The following KLHL3 variants were observed in gnomAD, a reference collection of about 807,000 sequenced individuals.
The protein encoded by KLHL3 is kelch like family member 3, also known as kelch-like protein 3.
Under a neutral mutation model 70.5 loss-of-function variants are expected in KLHL3, and 19 were observed. The observed-to-expected ratio is 0.27, with a 90% confidence interval of 0.19 to 0.40. The LOEUF (loss-of-function observed/expected upper bound fraction) is 0.40, where lower values mean the gene tolerates loss of function less well. Among genes scored for constraint, KLHL3 ranks in the 10% least tolerant of loss-of-function variants. The probability of loss-of-function intolerance (pLI) is 1.00; values close to 1 mark genes in which losing one functional copy is unlikely to be tolerated. For missense variants in KLHL3, 512 were observed against 771.1 expected, an observed-to-expected ratio of 0.66 and a Z score of 3.98; for synonymous variants, 258 against 290.3, an observed-to-expected ratio of 0.89 and a Z score of 1.13.
intron 4 of KLHL3, among the ~76,000 whole-genome samples, chr5:137,695,026 C>T (rs1752412753): frequency 6.6e-6 from 1 of 152,160 alleles, no homozygotes; most frequent in African/African-American, 2.4e-5. Context: ...GCTCCCCAAC[C>T]CCATACGCAT....
intron 2 of KLHL3, among the ~76,000 whole-genome samples, chr5:137,712,025 G>A (rs1024764168): frequency 1.3e-5 from 2 of 151,438 alleles, no homozygotes; most frequent in Admixed American, 1.3e-4. Context: ...CGGTGTGGTG[G>A]CAGATGCCTG....
chr5:137,687,090 C>A (rs1381820808), intron 5 of KLHL3, among the ~76,000 whole-genome samples: 150 of 78,282 alleles, frequency 1.9e-3, no homozygotes, highest in African/African-American at 2.9e-3. Flanking sequence ...AGCCCCCCGC[C>A]CGGCCAGCCG....
At chr5:137,716,819 G>A (rs1474610914) in intron 2 of KLHL3, among the ~76,000 whole-genome samples, 3 of 152,174 alleles carry the variant, frequency 2.0e-5, no homozygotes, top group Non-Finnish European at 4.4e-5. Flanking sequence ...GTTGATATCA[G>A]TGGTGGGGTC....
intron 8 of KLHL3, among the ~76,000 whole-genome samples, chr5:137,647,867 A>G (rs1751095973): frequency 6.6e-6 from 1 of 152,218 alleles, no homozygotes; most frequent in African/African-American, 2.4e-5. Flanking sequence ...CAAATATAGT[A>G]TCAGCCCAGT....
intron 5 of KLHL3, among the ~76,000 whole-genome samples, chr5:137,691,596 C>T (rs2905603): frequency 0.084 from 12,062 of 144,106 alleles, 663 homozygotes; most frequent in Non-Finnish European, 0.12. Flanking sequence ...TCGTTATAAG[C>T]CCTGCAATAG....
At chr5:137,622,399 G>A (rs1750335574) in intron 14 of KLHL3, among the ~76,000 whole-genome samples, 2 of 152,348 alleles carry the variant, frequency 1.3e-5, no homozygotes, top group African/African-American at 2.4e-5. Context: ...ACTCACTGTG[G>A]TGACTCCCAT....
rs1751916901 is a variant in KLHL3, at chr5:137,677,615, A to G, written c.566T>C (p.Leu189Pro). Residue 189 changes from leucine (L) to proline (P), a missense_variant, in exon 6 of 15, where the codon CTT becomes CCT. Transcript: ENST00000309755. ...FPEVMLGEEF[L>P]SLSLDQVCSL... is the part of the protein sequence containing the mutation. ...GCACACCTGGTCCAGACTCAGGCTA[A>G]GAAATTCTTCTCCTAGCATCACCTC... The G allele has an allele frequency of 1.9e-6, 3 of 1,609,912 alleles. No individual in the cohort carries two copies. Among genetic ancestry groups the G allele is most frequent in the Non-Finnish European group, 2.5e-6 (3 of 1,178,316 alleles).
At chr5:137,692,507 T>C in intron 4 of KLHL3, 60 bp from the exon 5 acceptor site, 1 of 1,487,756 alleles carries the variant, frequency 6.7e-7, no homozygotes, top group Non-Finnish European at 9.3e-7. Context: ...TCATCTGCCT[T>C]TTCCTATCAT....
intron 1 of KLHL3, among the ~76,000 whole-genome samples, chr5:137,725,847 G>A (rs918018508): frequency 1.1e-4 from 17 of 152,310 alleles, no homozygotes; most frequent in African/African-American, 3.8e-4. Flanking sequence ...CCCACAGAAA[G>A]GGTGTTGCAA....
intron 4 of KLHL3, among the ~76,000 whole-genome samples, chr5:137,693,616 T>G (rs2149918686): frequency 6.6e-6 from 1 of 152,198 alleles, no homozygotes; most frequent in East Asian, 1.9e-4. Flanking sequence ...CAAAAAGAAA[T>G]TTAGAAAAAA....
At chr5:137,712,994 A>G (rs1752824800) in intron 2 of KLHL3, among the ~76,000 whole-genome samples, 1 of 151,916 alleles carries the variant, frequency 6.6e-6, no homozygotes, top group Non-Finnish European at 1.5e-5. Context: ...CTTTTTTCCA[A>G]ATAATATTTC....
intron 13 of KLHL3, 71 bp from the exon 14 acceptor site, chr5:137,625,967 C>CA: frequency 5.7e-6 from 9 of 1,587,850 alleles, no homozygotes; most frequent in African/African-American, 1.3e-5. Flanking sequence ...GATCAAGAGA[C>CA]AAATCTGGAT....
chr5:137,669,962 A>C (rs1751710601), intron 6 of KLHL3, among the ~76,000 whole-genome samples: 1 of 152,178 alleles, frequency 6.6e-6, no homozygotes, highest in Non-Finnish European at 1.5e-5. Context: ...CCTAGGCCAC[A>C]GGCTCCTGTG....
At chr5:137,719,736 A>C (rs973460024) in intron 2 of KLHL3, among the ~76,000 whole-genome samples, 3 of 152,214 alleles carry the variant, frequency 2.0e-5, no homozygotes. Flanking sequence ...CTGTCTTGCC[A>C]ACCTAAGTTC....
intron 1 of KLHL3, among the ~76,000 whole-genome samples, chr5:137,727,511 T>C (rs1024528960): frequency 7.9e-5 from 12 of 152,208 alleles, no homozygotes; most frequent in African/African-American, 2.7e-4. Flanking sequence ...AATCCCATCG[T>C]TGCCCTGAAG....
rs1036367187 is a variant in KLHL3 at position 137,619,474 on chromosome 5, C to T, written c.*2624G>A. ...CCGCAATCAGATGACAGATATGCCA[C>T]TGGCAAAGCTGCATTCACAAGCAGC... On this transcript the variant is annotated 3_prime_UTR_variant, in exon 15 of 15. Transcript: ENST00000309755. The T allele has an allele frequency of 1.3e-5, 2 of 152,666 alleles. No individual in the cohort carries two copies. Among genetic ancestry groups the T allele is most frequent in the Non-Finnish European group, 2.9e-5 (2 of 68,056 alleles). The allele number at this position is 152,666 out of a possible 1,614,324, so 9.5% of individuals were successfully genotyped here.
chr5:137,725,272 C>T (rs944825121), intron 1 of KLHL3, among the ~76,000 whole-genome samples: 1 of 151,914 alleles, frequency 6.6e-6, no homozygotes, highest in African/African-American at 2.4e-5. Context: ...GCCAAAATCA[C>T]ACACACACAC....
Position 137,644,230 on chromosome 5 carries a change from G to A in KLHL3, c.904-4253C>T, listed in dbSNP as rs551884173. 1.5e-4 allele frequency among the ~76,000 whole-genome samples: 23 copies of A among 152,092 alleles called. No homozygotes were observed. The East Asian group carries it at 2.9e-3, about 19-fold the overall frequency. On this transcript the variant is annotated intron_variant, in intron 8 of 14. Coordinates refer to ENST00000309755, the MANE Select transcript of KLHL3 (RefSeq NM_017415.3). ...ATTACAGGTGCCCACCACCACACCC[G>A]GCTAATTTTTTGTATTTTTAATAAA... is the stretch of plus-strand genomic sequence containing the variant.
chr5:137,645,225 T>C (rs1163277901), intron 8 of KLHL3, among the ~76,000 whole-genome samples: 6 of 152,238 alleles, frequency 3.9e-5, no homozygotes, highest in African/African-American at 1.2e-4. Flanking sequence ...AAGGGGAAAG[T>C]TGAAAGCTTT....
Sources: gnomAD v4.1 joint callset for allele counts (sites outside exome capture counted in the v4.1 genomes callset) on GRCh38, gnomAD v4.1.1 for gene constraint, MANE v1.5 for transcripts, NCBI Gene and HGNC (gene_info 2026-07-23, HGNC 2026-07-21) for gene names.